CWC27: variants seen among roughly 807,000 people sequenced by gnomAD.
CWC27 encodes spliceosome-associated protein CWC27 homolog.
In CWC27, 47 loss-of-function variants were observed where a neutral mutation model predicts 63.6. The observed-to-expected ratio is 0.74, with a 90% confidence interval of 0.58 to 0.94. The LOEUF (loss-of-function observed/expected upper bound fraction) is 0.94, where lower values mean the gene tolerates loss of function less well. CWC27 is among the 40% of genes least tolerant of loss of function. CWC27 has a pLI of 0.00. For missense variants in CWC27, 495 were observed against 554.3 expected, an observed-to-expected ratio of 0.89 and a Z score of 1.07; for synonymous variants, 175 against 179.8, an observed-to-expected ratio of 0.97 and a Z score of 0.22.
intron 13 of CWC27, among the ~76,000 whole-genome samples, chr5:65,006,960 C>A (rs996540397): frequency 5.0e-5 from 6 of 121,104 alleles, no homozygotes; most frequent in South Asian, 3.0e-4. Context: ...TTTAAAAAGA[C>A]AGAAAGAAAG....
chr5:64,854,822 G>T (rs1182130766), intron 10 of CWC27, among the ~76,000 whole-genome samples: 1 of 152,048 alleles, frequency 6.6e-6, no homozygotes, highest in African/African-American at 2.4e-5. Flanking sequence ...TTAGTAATCT[G>T]CTTCTCTCCT....
At chr5:64,941,193 A>G (rs1748472417) in intron 11 of CWC27, among the ~76,000 whole-genome samples, 1 of 152,098 alleles carries the variant, frequency 6.6e-6, no homozygotes, top group South Asian at 2.1e-4. Flanking sequence ...CAAGCCCAGA[A>G]ATCACCCTTT....
intron 10 of CWC27, among the ~76,000 whole-genome samples, chr5:64,857,954 G>A (rs897998731): frequency 1.3e-5 from 2 of 148,688 alleles, no homozygotes; most frequent in African/African-American, 2.5e-5. Flanking sequence ...TGGCTAACAC[G>A]GTGAAACCCC....
chr5:64,818,516 C>T (rs1023956827), intron 10 of CWC27, among the ~76,000 whole-genome samples: 11 of 152,060 alleles, frequency 7.2e-5, no homozygotes, highest in Admixed American at 4.6e-4. Context: ...GAAGTTAAAA[C>T]GAAAAGCCTT....
chr5:64,934,633 G>A (rs1456549502), intron 11 of CWC27, among the ~76,000 whole-genome samples: 1 of 152,152 alleles, frequency 6.6e-6, no homozygotes, highest in Non-Finnish European at 1.5e-5. Flanking sequence ...TGGGATTGCT[G>A]GGTCAAATGG....
chr5:64,912,073 C>CAAA (rs1253684440), intron 11 of CWC27, among the ~76,000 whole-genome samples: 9 of 83,484 alleles, frequency 1.1e-4, no homozygotes, highest in African/African-American at 1.7e-4. Context: ...GACTCTGTCT[C>CAAA]AAAAAAAAAA....
intron 10 of CWC27, among the ~76,000 whole-genome samples, chr5:64,818,100 A>T (rs1446717370): frequency 6.6e-6 from 1 of 152,098 alleles, no homozygotes; most frequent in Non-Finnish European, 1.5e-5. Context: ...TCTAAAAATT[A>T]TATGATAATT....
chr5:64,970,761 A>AT (rs200590560), intron 11 of CWC27, among the ~76,000 whole-genome samples: 17 of 150,542 alleles, frequency 1.1e-4, no homozygotes, highest in African/African-American at 4.9e-5. Context: ...CTTAGTTCAA[A>AT]TTTTTTTTTT....
intron 13 of CWC27, among the ~76,000 whole-genome samples, chr5:64,979,539 CCT>C (rs1301937513): frequency 6.6e-6 from 1 of 152,114 alleles, no homozygotes; most frequent in Non-Finnish European, 1.5e-5. Context: ...TGATTTAGAT[CCT>C]CTCTCATAAA....
At chr5:64,918,841 G>A (rs1421938063) in intron 11 of CWC27, among the ~76,000 whole-genome samples, 2 of 152,044 alleles carry the variant, frequency 1.3e-5, no homozygotes, top group Non-Finnish European at 2.9e-5. Context: ...CCAGAGTCCT[G>A]TCCAATTCTC....
intron 10 of CWC27, among the ~76,000 whole-genome samples, chr5:64,881,267 T>C (rs1199985535): frequency 2.6e-5 from 4 of 152,112 alleles, no homozygotes; most frequent in Non-Finnish European, 5.9e-5. Context: ...CTTCTCTGTC[T>C]CACCTTGTCA....
In CWC27 at chr5:64,893,495, A is replaced by G. The variant is rs1747291829; in HGVS notation, c.1042+7949A>G. Among the ~76,000 whole-genome samples the G allele has an allele frequency of 2.6e-5, 4 of 152,234 alleles. No individual in the cohort carries two copies. The South Asian group carries it at 8.3e-4, about 32-fold the overall frequency. Reference sequence around the variant, plus strand: ...TTAATGCAATAGCTGATAGTTTTTAATGATTATATTTTCAAATTCTGCACA... The same window carrying G: ...TTAATGCAATAGCTGATAGTTTTTAGTGATTATATTTTCAAATTCTGCACA... On this transcript the variant is annotated intron_variant, in intron 11 of 13. Coordinates refer to ENST00000381070, the MANE Select transcript of CWC27 (RefSeq NM_005869.4).
At chr5:64,890,202 C>T (rs1309631756) in intron 11 of CWC27, among the ~76,000 whole-genome samples, 1 of 152,056 alleles carries the variant, frequency 6.6e-6, no homozygotes, top group African/African-American at 2.4e-5. Flanking sequence ...GCTTGTAAAT[C>T]AAGAAAAAAT....
In CWC27 at chr5:64,824,670, G is replaced by GTT. The variant is rs200770397; in HGVS notation, c.938+20297_938+20298dup. 3.0e-3 allele frequency among the ~76,000 whole-genome samples: 399 copies of GTT among 132,046 alleles called. 2 individuals are homozygous for GTT. The highest frequency in any genetic ancestry group is 0.011 in the African/African-American group (387 of 35,994). 86.6% of individuals were successfully genotyped at this position (132,046 alleles called of 152,430 possible). A position where few individuals can be genotyped will look rare whatever the true frequency, so the allele number is the denominator to read the frequency against. On this transcript the variant is annotated intron_variant, in intron 10 of 13. Transcript: ENST00000381070. ...CCTTCAGTCTAGAAAAGTTTTGTGG[G>GTT]TTTTTTTTTTTTTTCCTCTAGAAGG... is the stretch of plus-strand genomic sequence containing the variant.
At chr5:64,904,399 G>A (rs2112368211) in intron 11 of CWC27, among the ~76,000 whole-genome samples, 1 of 152,330 alleles carries the variant, frequency 6.6e-6, no homozygotes, top group East Asian at 1.9e-4. Context: ...TGTTGACCAA[G>A]GCTATATAAA....
chr5:64,834,166 G>A (rs1378167698), intron 10 of CWC27, among the ~76,000 whole-genome samples: 2 of 148,838 alleles, frequency 1.3e-5, no homozygotes, highest in Non-Finnish European at 1.5e-5. Flanking sequence ...ACCAAATTAA[G>A]AAAAAAAACT....
chr5:64,985,634 C>T (rs1749411181), intron 13 of CWC27, among the ~76,000 whole-genome samples: 1 of 152,182 alleles, frequency 6.6e-6, no homozygotes. Context: ...TTGTGAAACT[C>T]ACTTACTAGT....
At chr5:64,836,381 G>T (rs1428220674) in intron 10 of CWC27, among the ~76,000 whole-genome samples, 1 of 151,884 alleles carries the variant, frequency 6.6e-6, no homozygotes, top group Non-Finnish European at 1.5e-5. Context: ...GCATTATGTG[G>T]TATGTTCTAT....
chr5:64,935,877 C>T (rs1355649616), intron 11 of CWC27, among the ~76,000 whole-genome samples: 1 of 152,142 alleles, frequency 6.6e-6, no homozygotes, highest in Non-Finnish European at 1.5e-5. Flanking sequence ...AATGGGAGTT[C>T]ACTCATGATT....
Sources: allele counts gnomAD v4.1 joint callset (sites outside exome capture counted in the v4.1 genomes callset), GRCh38; gene constraint gnomAD v4.1.1; transcripts MANE v1.5; gene names NCBI Gene and HGNC (gene_info 2026-07-23, HGNC 2026-07-21).